The following RNF216 variants were observed in gnomAD, a reference collection of about 807,000 sequenced individuals.
RNF216 encodes ring finger protein 216.
In RNF216, 72 loss-of-function variants were observed where a neutral mutation model predicts 110.8. That is an observed-to-expected ratio of 0.65 (90% confidence interval 0.54 to 0.79). RNF216 has a LOEUF of 0.79. Among genes scored for constraint, RNF216 ranks in the 30% least tolerant of loss-of-function variants. RNF216 has a pLI of 0.00. For synonymous variants in RNF216, 495 were observed against 407.5 expected, an observed-to-expected ratio of 1.21 and a Z score of -2.59; for missense variants, 1,342 against 1,141.2, an observed-to-expected ratio of 1.18 and a Z score of -2.54.
intron 3 of RNF216, among the ~76,000 whole-genome samples, chr7:5,748,607 T>TAC (rs1239567218): frequency 8.2e-5 from 8 of 97,326 alleles, no homozygotes; most frequent in East Asian, 3.1e-4. Context: ...ATTTTTTATA[T>TAC]ACATACACAC....
chr7:5,628,833 T>C (rs1163278853), intron 15 of RNF216, among the ~76,000 whole-genome samples: 1 of 152,210 alleles, frequency 6.6e-6, no homozygotes, highest in Non-Finnish European at 1.5e-5. Flanking sequence ...GGAAGATTTC[T>C]TTCTTAATTT....
intron 15 of RNF216, among the ~76,000 whole-genome samples, chr7:5,638,009 G>A (rs551568159): frequency 6.6e-6 from 1 of 152,280 alleles, no homozygotes; most frequent in South Asian, 2.1e-4. Context: ...ACCTGTAGTG[G>A]CTGCGCAGCA....
intron 15 of RNF216, among the ~76,000 whole-genome samples, chr7:5,627,765 C>T (rs895203592): frequency 1.1e-4 from 16 of 151,682 alleles, no homozygotes; most frequent in Non-Finnish European, 2.9e-5. Flanking sequence ...AAAAGACTAG[C>T]CACTAACCCC....
chr7:5,629,031 C>CT (rs1030229904), intron 15 of RNF216, among the ~76,000 whole-genome samples: 2 of 151,678 alleles, frequency 1.3e-5, no homozygotes, highest in Non-Finnish European at 2.9e-5. Flanking sequence ...AACCCCATCT[C>CT]TACTAAAAAT....
chr7:5,739,963 A>C (rs574590393), intron 4 of RNF216, among the ~76,000 whole-genome samples: 1 of 150,668 alleles, frequency 6.6e-6, no homozygotes, highest in Admixed American at 6.6e-5. Flanking sequence ...AGATCGCACC[A>C]CTGTACCCCA....
chr7:5,650,307 T>C (rs377687460), intron 14 of RNF216, among the ~76,000 whole-genome samples: 6 of 152,172 alleles, frequency 3.9e-5, no homozygotes, highest in Non-Finnish European at 8.8e-5. Context: ...CAGGTTTAAA[T>C]AGGACCCAGT....
intron 13 of RNF216, among the ~76,000 whole-genome samples, chr7:5,701,198 T>C (rs1026058669): frequency 5.3e-5 from 8 of 152,184 alleles, no homozygotes; most frequent in African/African-American, 1.9e-4. Flanking sequence ...GAGCTGTCAT[T>C]TCTTATAGAA....
At chr7:5,756,709 C>G (rs1795662365) in intron 2 of RNF216, among the ~76,000 whole-genome samples, 1 of 152,218 alleles carries the variant, frequency 6.6e-6, no homozygotes, top group African/African-American at 2.4e-5. Context: ...GCAGCCTTGA[C>G]CTACTACTGG....
At chr7:5,751,232 A>C (rs147260902) in intron 3 of RNF216, among the ~76,000 whole-genome samples, 2 of 152,314 alleles carry the variant, frequency 1.3e-5, no homozygotes, top group East Asian at 3.9e-4. Flanking sequence ...AGAACCTATA[A>C]AGTATATGCT....
chr7:5,686,224 T>TAAAAAA (rs71971690), intron 13 of RNF216, among the ~76,000 whole-genome samples: 1 of 111,634 alleles, frequency 9.0e-6, no homozygotes. Context: ...ACTCTGTTAT[T>TAAAAAA]AAAAAAAAAA....
intron 7 of RNF216, 74 bp downstream of exon 7, chr7:5,729,358 G>A: frequency 1.4e-6 from 2 of 1,466,618 alleles, no homozygotes; most frequent in South Asian, 2.4e-5. Flanking sequence ...TCCACAAGCT[G>A]AACTGTTCAT....
chr7:5,727,060 C>T (rs1157084594), intron 7 of RNF216, among the ~76,000 whole-genome samples: 1 of 152,090 alleles, frequency 6.6e-6, no homozygotes, highest in African/African-American at 2.4e-5. Context: ...GGCTCATGTC[C>T]TGTGGCTACG....
intron 3 of RNF216, among the ~76,000 whole-genome samples, chr7:5,745,935 C>A (rs150298353): frequency 0.021 from 3,205 of 151,124 alleles, 47 homozygotes; most frequent in Middle Eastern, 0.051. Context: ...CACTTACTCT[C>A]CATTTTGGAA....
intron 5 of RNF216, among the ~76,000 whole-genome samples, chr7:5,731,579 G>C (rs1794093016): frequency 6.6e-6 from 1 of 151,414 alleles, no homozygotes; most frequent in Non-Finnish European, 1.5e-5. Context: ...CAACCACCTT[G>C]GAACAACTGC....
chr7:5,704,120 C>A (rs977433832), intron 13 of RNF216, among the ~76,000 whole-genome samples: 1 of 152,216 alleles, frequency 6.6e-6, no homozygotes, highest in Non-Finnish European at 1.5e-5. Flanking sequence ...GAAACAAAGA[C>A]TCTCTCCATT....
rs536079711 is a variant in RNF216, at chr7:5,758,853, G to T, written c.67+2150C>A. Among the ~76,000 whole-genome samples the T allele has an allele frequency of 3.0e-4, 46 of 152,262 alleles. No individual in the cohort carries two copies. The South Asian group carries it at 8.5e-3, about 28-fold the overall frequency. ...TAATGCTAGAATGAGTTAAGACTTT[G>T]GGGACTGTTGGGAAGACGCAATTGT... is the stretch of plus-strand genomic sequence containing the variant. On this transcript the variant is annotated intron_variant, in intron 2 of 16. Transcript: ENST00000389902.
chr7:5,692,501 C>G (rs1791396785), intron 13 of RNF216, among the ~76,000 whole-genome samples: 1 of 152,194 alleles, frequency 6.6e-6, no homozygotes, highest in South Asian at 2.1e-4. Context: ...GGGGCCCTGA[C>G]TTCTGGTCCA....
intron 13 of RNF216, among the ~76,000 whole-genome samples, chr7:5,665,308 T>C (rs1789434958): frequency 6.6e-6 from 1 of 152,150 alleles, no homozygotes; most frequent in African/African-American, 2.4e-5. Context: ...TGGGAACCAT[T>C]ACAAAGCCTC....
chr7:5,763,833 A>G lies in RNF216; in HGVS notation c.-69-2695T>C, dbSNP rs572941978. On this transcript the variant is annotated intron_variant, in intron 1 of 16. Transcript: ENST00000389902. Reference sequence around the variant, plus strand: ...AGCATTCCTTCTGCCTTGGCTTCCCAAAGTGCTGCGATTACAGGTGTGAAC... The same window carrying G: ...AGCATTCCTTCTGCCTTGGCTTCCCGAAGTGCTGCGATTACAGGTGTGAAC... Among the ~76,000 whole-genome samples, 17 of 152,248 alleles carry G rather than the reference A, an allele frequency of 1.1e-4. No homozygotes were observed. The East Asian group carries it at 2.9e-3, about 26-fold the overall frequency.
Sources: allele counts gnomAD v4.1 joint callset (sites outside exome capture counted in the v4.1 genomes callset), GRCh38; gene constraint gnomAD v4.1.1; transcripts MANE v1.5; gene names NCBI Gene and HGNC (gene_info 2026-07-23, HGNC 2026-07-21).